The following TMEM132B variants were observed in gnomAD, a reference collection of about 807,000 sequenced individuals.
TMEM132B encodes the protein transmembrane protein 132B.
Under a neutral mutation model 90.8 loss-of-function variants are expected in TMEM132B, and 18 were observed. The observed-to-expected ratio is 0.20, with a 90% CI of 0.14 to 0.29. The LOEUF is 0.29. TMEM132B is among the 10% of genes least tolerant of loss of function. The pLI, the probability that TMEM132B is intolerant of heterozygous loss-of-function variation, is 1.00. For synonymous variants in TMEM132B, 504 were observed against 523.3 expected (o/e 0.96, Z 0.50); for missense variants, 1,096 against 1,326.8 (o/e 0.83, Z 2.70).
intron 2 of TMEM132B, among the ~76,000 whole-genome samples, chr12:125,354,861 AT>A (rs1877716719): frequency 6.6e-6 from 1 of 152,180 alleles, no homozygotes. Context: ...CAGGTTCTGC[AT>A]TTACCCTTTC....
At chr12:125,417,520 A>G (rs1483776874) in intron 3 of TMEM132B, among the ~76,000 whole-genome samples, 4 of 152,026 alleles carry the variant, frequency 2.6e-5, no homozygotes, top group African/African-American at 9.7e-5. Flanking sequence ...TTGATTCTCT[A>G]CTTCGCCTGG....
rs368161098 is a variant in TMEM132B at position 125,498,094 on chromosome 12, G to A, written c.1107-21345G>A. On this transcript the variant is annotated intron_variant, in intron 3 of 8. Transcript: ENST00000682704. The surrounding 1 kb of genome is among the most constrained non-coding windows in gnomAD (Gnocchi z 4.5). The stretch of plus-strand genomic sequence containing the variant: ...AATGATCAGTCCAGACCTGACACAC[G>A]CTGCTTTATTTACCACTCACTGGCC... Among the ~76,000 whole-genome samples the A allele has an allele frequency of 3.9e-5, 6 of 152,256 alleles. No homozygotes were observed. The highest frequency in any genetic ancestry group is 4.8e-5 in the African/African-American group (2 of 41,560).
At chr12:125,556,263 A>T (rs1328375433) in intron 4 of TMEM132B, among the ~76,000 whole-genome samples, 2 of 152,154 alleles carry the variant, frequency 1.3e-5, no homozygotes, top group Non-Finnish European at 2.9e-5. Flanking sequence ...TTCTTTCGTT[A>T]TCCTGACCTG....
intron 5 of TMEM132B, among the ~76,000 whole-genome samples, chr12:125,641,657 G>A (rs1240912225): frequency 1.3e-5 from 2 of 152,032 alleles, no homozygotes; most frequent in East Asian, 3.9e-4. Flanking sequence ...CTAAAAGATG[G>A]GGCAGGTTTA....
intron 1 of TMEM132B, among the ~76,000 whole-genome samples, chr12:125,294,323 A>G (rs1875615127): frequency 6.6e-6 from 1 of 152,236 alleles, no homozygotes; most frequent in Non-Finnish European, 1.5e-5. Context: ...GTTAGATGCA[A>G]CAAGCCAGAC....
At chr12:125,372,466 C>T (rs1349243167) in intron 2 of TMEM132B, among the ~76,000 whole-genome samples, 2 of 152,168 alleles carry the variant, frequency 1.3e-5, no homozygotes, top group Non-Finnish European at 2.9e-5. Context: ...GAAATCAAAA[C>T]CTCTTCCAGT....
At chr12:125,596,409 A>G (rs1472058989) in intron 5 of TMEM132B, among the ~76,000 whole-genome samples, 1 of 152,170 alleles carries the variant, frequency 6.6e-6, no homozygotes, top group Admixed American at 6.5e-5. Flanking sequence ...TTCTACTCAT[A>G]TACCCAATTT....
At chr12:125,382,294 C>A (rs182303893) in intron 2 of TMEM132B, among the ~76,000 whole-genome samples, 205 of 152,254 alleles carry the variant, frequency 1.3e-3, no homozygotes, top group Non-Finnish European at 1.9e-3. Context: ...TTTCTCAGTG[C>A]AGTCATAGTA....
intron 4 of TMEM132B, among the ~76,000 whole-genome samples, chr12:125,577,091 T>C (rs1376765350): frequency 6.6e-6 from 1 of 152,020 alleles, no homozygotes; most frequent in Non-Finnish European, 1.5e-5. Flanking sequence ...TTTGTTAGAC[T>C]TTATTAATGA....
At chr12:125,591,251 C>T (rs535640011) in intron 5 of TMEM132B, among the ~76,000 whole-genome samples, 63 of 152,158 alleles carry the variant, frequency 4.1e-4, no homozygotes, top group African/African-American at 1.4e-3. Flanking sequence ...TAGGTCAGTA[C>T]GGCTGCATTC....
At chr12:125,196,825 T>C (rs181459095) in intron 1 of TMEM132B, among the ~76,000 whole-genome samples, 42 of 152,264 alleles carry the variant, frequency 2.8e-4, no homozygotes, top group Non-Finnish European at 5.1e-4. Flanking sequence ...TGATGAATAT[T>C]GTTAGTATAA....
At chr12:125,202,557 G>A (rs904593656) in intron 1 of TMEM132B, among the ~76,000 whole-genome samples, 3 of 152,242 alleles carry the variant, frequency 2.0e-5, no homozygotes, top group African/African-American at 4.8e-5. Flanking sequence ...CTGACAGTTG[G>A]CCAGAGGCTG....
intron 1 of TMEM132B, among the ~76,000 whole-genome samples, chr12:125,228,365 C>A (rs1475629813): frequency 9.9e-5 from 15 of 152,124 alleles, no homozygotes. Context: ...AGGGATTTGG[C>A]CCTGGGCTCT....
chr12:125,316,711 G>A (rs971349890), intron 1 of TMEM132B, among the ~76,000 whole-genome samples: 14 of 152,282 alleles, frequency 9.2e-5, no homozygotes, highest in Admixed American at 7.8e-4. Flanking sequence ...AATGTCCTGT[G>A]GCAGAACGGT....
At chr12:125,388,011 G>A (rs1048276470) in intron 2 of TMEM132B, among the ~76,000 whole-genome samples, 1 of 152,318 alleles carries the variant, frequency 6.6e-6, no homozygotes, top group East Asian at 1.9e-4. Flanking sequence ...TTTGGGTTCT[G>A]AAAGGCTGGT....
intron 3 of TMEM132B, among the ~76,000 whole-genome samples, chr12:125,425,321 G>C (rs1880285710): frequency 6.6e-6 from 1 of 152,178 alleles, no homozygotes; most frequent in Admixed American, 6.5e-5. Context: ...GAGGGGAGCA[G>C]TTTTAGGTTT....
At chr12:125,509,433 T>C (rs1175718458) in intron 3 of TMEM132B, among the ~76,000 whole-genome samples, 1 of 152,118 alleles carries the variant, frequency 6.6e-6, no homozygotes, top group Admixed American at 6.5e-5. Flanking sequence ...ATTCCATAGT[T>C]AATGAGGAGA....
At chr12:125,307,761 T>A (rs28647540) in intron 1 of TMEM132B, among the ~76,000 whole-genome samples, 1 of 3,148 alleles carries the variant, frequency 3.2e-4, no homozygotes, top group African/African-American at 1.4e-3. Context: ...TATACTTATA[T>A]TGCAAGTATA....
intron 5 of TMEM132B, among the ~76,000 whole-genome samples, chr12:125,591,121 A>G (rs527300817): frequency 3.3e-5 from 5 of 152,266 alleles, no homozygotes; most frequent in East Asian, 3.9e-4. Flanking sequence ...TGATTTTCCC[A>G]TCAGGGAATG....
Sources: allele counts gnomAD v4.1 joint callset (sites outside exome capture counted in the v4.1 genomes callset), GRCh38; gene constraint gnomAD v4.1.1; non-coding constraint Gnocchi (gnomAD v3.1); transcripts MANE v1.5; gene names NCBI Gene and HGNC (gene_info 2026-07-23, HGNC 2026-07-21).